Variants in FREM1 observed in about 807,000 individuals in gnomAD.
FREM1 encodes the protein FRAS1-related extracellular matrix protein 1.
In FREM1, 220 loss-of-function variants were observed where a neutral mutation model predicts 210.1. The ratio of observed to expected loss-of-function variants is 1.05; its 90% CI spans 0.94 to 1.17. FREM1 has a LOEUF of 1.17. FREM1 is among the 50% of genes most tolerant of loss of function. The pLI, the probability that FREM1 is intolerant of heterozygous loss-of-function variation, is 0.00. For missense variants in FREM1, 3,454 were observed against 2,675.5 expected (o/e 1.29, Z -6.42); for synonymous variants, 1,189 against 980.2 (o/e 1.21, Z -3.98).
intron 8 of FREM1, among the ~76,000 whole-genome samples, chr9:14,843,828 C>A (rs1826125611): frequency 6.6e-6 from 1 of 152,016 alleles, no homozygotes; most frequent in Non-Finnish European, 1.5e-5. Context: ...GGGAGGGAGG[C>A]AACAACCAGT....
intron 8 of FREM1, among the ~76,000 whole-genome samples, chr9:14,845,255 A>C (rs1271590888): frequency 1.3e-5 from 2 of 152,228 alleles, no homozygotes; most frequent in African/African-American, 4.8e-5. Context: ...TACTACTAAT[A>C]ACATAACATC....
chr9:14,761,962 T>G (rs978967685), intron 27 of FREM1, among the ~76,000 whole-genome samples: 15 of 152,232 alleles, frequency 9.9e-5, no homozygotes, highest in Admixed American at 5.9e-4. Context: ...GCTTGTACAT[T>G]AAACTTTATC....
At chr9:14,863,522 G>C (rs1462142897) in intron 3 of FREM1, among the ~76,000 whole-genome samples, 1 of 152,006 alleles carries the variant, frequency 6.6e-6, no homozygotes, top group Non-Finnish European at 1.5e-5. Context: ...TACCATAAGT[G>C]GTGGGTTGGA....
At chr9:14,811,395 G>C (rs7847511) in intron 16 of FREM1, among the ~76,000 whole-genome samples, 4,730 of 152,240 alleles carry the variant, frequency 0.031, 220 homozygotes, top group African/African-American at 0.11. Flanking sequence ...GCATGAGCCT[G>C]CCAGAGATGT....
At chr9:14,817,753 C>G (rs955905615) in intron 14 of FREM1, among the ~76,000 whole-genome samples, 14 of 152,176 alleles carry the variant, frequency 9.2e-5, no homozygotes, top group Non-Finnish European at 1.8e-4. Flanking sequence ...CACCCATAGG[C>G]AGGGTAGGAA....
intron 8 of FREM1, among the ~76,000 whole-genome samples, chr9:14,845,417 G>A (rs1200672028): frequency 1.3e-5 from 2 of 152,062 alleles, no homozygotes; most frequent in Admixed American, 6.5e-5. Context: ...CAATTCTCCT[G>A]TCTCAGCCTC....
intron 3 of FREM1, among the ~76,000 whole-genome samples, chr9:14,862,456 A>T (rs955238086): frequency 6.6e-6 from 1 of 152,330 alleles, no homozygotes; most frequent in East Asian, 1.9e-4. Context: ...ACTTTTATGA[A>T]GTCAGATATA....
At chr9:14,782,875 C>G (rs577201687) in intron 24 of FREM1, among the ~76,000 whole-genome samples, 36 of 152,290 alleles carry the variant, frequency 2.4e-4, no homozygotes, top group African/African-American at 7.2e-4. Flanking sequence ...GAAACAAGAG[C>G]ACAGGAGGTT....
chr9:14,747,711 A>T lies in FREM1; in HGVS notation c.5814T>A (p.Val1938=), dbSNP rs114909107. 2.1e-3 allele frequency: 3,298 copies of T among 1,543,574 alleles called. 55 individuals carry two copies. The African/African-American group carries it at 0.04, about 19-fold the overall frequency. The change falls in exon 32 of 37, where the codon GTT becomes GTA. Residue 1938 remains valine (V), a synonymous_variant. Transcript: ENST00000380880. Reference sequence around the variant, plus strand: ...AGATGATGTCTGTTCCATTTCTATAAACAGAGGATGGACGAACCTGAAATT... The same window carrying T: ...AGATGATGTCTGTTCCATTTCTATATACAGAGGATGGACGAACCTGAAATT... ...GNGKTVRPSS[V]YRNGTDIIYN... is the part of the protein sequence containing the mutation.
chr9:14,854,086 G>A (rs908070632), intron 5 of FREM1, among the ~76,000 whole-genome samples: 4 of 152,098 alleles, frequency 2.6e-5, no homozygotes, highest in African/African-American at 9.7e-5. Context: ...TACATAGGAA[G>A]GAGCCAAGAG....
At chr9:14,818,533 G>T (rs1467087788) in intron 14 of FREM1, among the ~76,000 whole-genome samples, 4 of 152,226 alleles carry the variant, frequency 2.6e-5, no homozygotes, top group Non-Finnish European at 5.9e-5. Context: ...AGAAGTGAGT[G>T]TGTGGGTCTA....
At chr9:14,864,081 C>G (rs1000915729) in intron 2 of FREM1, among the ~76,000 whole-genome samples, 178 bp from the exon 3 acceptor site, 2 of 152,154 alleles carry the variant, frequency 1.3e-5, no homozygotes, top group African/African-American at 4.8e-5. Context: ...AGTCACCATC[C>G]TACTTATACA....
rs556423429 is a variant in FREM1 at position 14,898,483 on chromosome 9, T to G, written c.-268+11431A>C. On this transcript the variant is annotated intron_variant, in intron 1 of 36. Coordinates refer to ENST00000380880, the MANE Select transcript of FREM1 (RefSeq NM_001379081.2). ...GCAGCCGGGTGTGGTGGCTCACACA[T>G]GCAATTCCAGCATTTTGGGAGGCTG... 3.3e-5 allele frequency among the ~76,000 whole-genome samples: 5 copies of G among 152,324 alleles called. No homozygotes were observed. In the East Asian group the frequency reaches 9.6e-4, roughly 29 times the overall value.
chr9:14,871,187 G>C (rs1379927934), intron 1 of FREM1, among the ~76,000 whole-genome samples: 1 of 152,150 alleles, frequency 6.6e-6, no homozygotes, highest in African/African-American at 2.4e-5. Flanking sequence ...GGATGGCTGG[G>C]TCAAATGGTA....
intron 15 of FREM1, among the ~76,000 whole-genome samples, chr9:14,815,954 C>A (rs183521201): frequency 2.0e-5 from 3 of 152,018 alleles, no homozygotes; most frequent in African/African-American, 7.2e-5. Context: ...GCTCTGCACT[C>A]GAATTTTATG....
intron 1 of FREM1, among the ~76,000 whole-genome samples, chr9:14,905,223 G>C (rs537145783): frequency 5.5e-4 from 84 of 152,262 alleles, no homozygotes; most frequent in African/African-American, 2.0e-3. Context: ...ATAAATATCA[G>C]TTGAGTGACT....
At chr9:14,874,783 C>T (rs1411054810) in intron 1 of FREM1, among the ~76,000 whole-genome samples, 1 of 152,194 alleles carries the variant, frequency 6.6e-6, no homozygotes, top group African/African-American at 2.4e-5. Flanking sequence ...CACAATTTGG[C>T]ATGATTTTGC....
intron 27 of FREM1, among the ~76,000 whole-genome samples, chr9:14,769,336 AT>A (rs1237769102): frequency 2.0e-5 from 3 of 152,188 alleles, no homozygotes. Context: ...GACTGCAGAT[AT>A]TTTAGAAGGC....
chr9:14,876,182 T>C (rs1264118864), intron 1 of FREM1, among the ~76,000 whole-genome samples: 1 of 152,166 alleles, frequency 6.6e-6, no homozygotes, highest in African/African-American at 2.4e-5. Context: ...AGCTGCGTGC[T>C]GGGAGAACCA....
Sources: gnomAD v4.1 joint callset for allele counts (sites outside exome capture counted in the v4.1 genomes callset) on GRCh38, gnomAD v4.1.1 for gene constraint, MANE v1.5 for transcripts, NCBI Gene and HGNC (gene_info 2026-07-23, HGNC 2026-07-21) for gene names.